OPA1: variants seen among roughly 807,000 people sequenced by gnomAD.
OPA1 encodes the protein dynamin-like GTPase OPA1, mitochondrial.
Under a neutral mutation model 152.9 loss-of-function variants are expected in OPA1, and 59 were observed. That is an observed-to-expected ratio of 0.39 (90% CI 0.31 to 0.48). OPA1 has a LOEUF of 0.48. OPA1 is among the 20% of genes least tolerant of loss of function. OPA1 has a pLI of 0.96. For synonymous variants in OPA1, 400 were observed against 389.9 expected (o/e 1.03, Z -0.31); for missense variants, 1,008 against 1,216.8 (o/e 0.83, Z 2.55).
At chr3:193,631,508 A>C in intron 7 of OPA1, 104 bp from the exon 8 acceptor site, 1 of 750,278 alleles carries the variant, frequency 1.3e-6, no homozygotes, top group Non-Finnish European at 2.3e-6. Context: ...TATGCATATA[A>C]AGTCAGTTGT....
intron 11 of OPA1, among the ~76,000 whole-genome samples, chr3:193,641,644 G>GA (rs1733804441): frequency 6.6e-6 from 1 of 152,162 alleles, no homozygotes; most frequent in East Asian, 1.9e-4. Context: ...TCCTCTGATG[G>GA]AAAATAGCTA....
At chr3:193,617,888 T>C (rs1729321949) in intron 5 of OPA1, 51 bp downstream of exon 5, 2 of 1,301,536 alleles carry the variant, frequency 1.5e-6, no homozygotes, top group South Asian at 2.4e-5. Context: ...TAAATGCTTC[T>C]AATAAACTAG....
intron 26 of OPA1, among the ~76,000 whole-genome samples, chr3:193,663,798 T>C (rs1715878933): frequency 6.6e-6 from 1 of 151,954 alleles, no homozygotes; most frequent in Non-Finnish European, 1.5e-5. Context: ...AAAATAAAAT[T>C]GGTAAAACTC....
intron 29 of OPA1, among the ~76,000 whole-genome samples, chr3:193,671,331 C>T (rs1717871006): frequency 1.3e-5 from 2 of 152,148 alleles, no homozygotes; most frequent in African/African-American, 4.8e-5. Flanking sequence ...AACTTAAATT[C>T]AGTCATAACA....
chr3:193,633,786 A>G (rs1732488102), intron 8 of OPA1, among the ~76,000 whole-genome samples: 2 of 152,240 alleles, frequency 1.3e-5, no homozygotes, highest in Non-Finnish European at 2.9e-5. Context: ...GGCCAGCCAC[A>G]TTTCAGGTGC....
intron 8 of OPA1, among the ~76,000 whole-genome samples, chr3:193,632,686 C>T (rs939356233): frequency 1.3e-5 from 2 of 151,854 alleles, no homozygotes; most frequent in African/African-American, 2.4e-5. Context: ...TTGGGCAACC[C>T]GGAGAAACCC....
intron 16 of OPA1, among the ~76,000 whole-genome samples, chr3:193,644,780 C>T (rs1432724648): frequency 1.3e-5 from 2 of 152,142 alleles, no homozygotes. Flanking sequence ...TCATTTCTTT[C>T]AACTCTAGGA....
chr3:193,643,033 G>T lies in OPA1; in HGVS notation c.1289G>T (p.Cys430Phe), dbSNP rs1560372367. The change falls in exon 13 of 31, where the codon TGT becomes TTT. Residue 430 changes from cysteine to phenylalanine, a missense_variant. Transcript: ENST00000361510. ...LRMRKNVKEG[C>F]TVSPETISLN... is the part of the protein sequence containing the mutation. ...ATGAGGAAAAATGTGAAAGAAGGCT[G>T]TACCGTTAGCCCTGAGGTAAGGGTT... is the stretch of plus-strand genomic sequence containing the variant. 1.2e-6 allele frequency: 2 copies of T among 1,612,926 alleles called. No individual in the cohort carries two copies. The highest frequency in any genetic ancestry group is 1.7e-6 in the Non-Finnish European group (2 of 1,179,088).
chr3:193,671,424 CAAGG>C (rs1015042215), intron 29 of OPA1, among the ~76,000 whole-genome samples: 3 of 152,058 alleles, frequency 2.0e-5, no homozygotes, highest in African/African-American at 7.2e-5. Flanking sequence ...TCATGAAAGA[CAAGG>C]AAAGAGTGAA....
At chr3:193,658,226 CAA>C (rs1422464201) in intron 23 of OPA1, among the ~76,000 whole-genome samples, 1 of 98,266 alleles carries the variant, frequency 1.0e-5, no homozygotes, top group African/African-American at 3.7e-5. Flanking sequence ...GCCAAGGCAA[CAA>C]GAGCAAAACT....
chr3:193,682,987 G>GA (rs1201195978), intron 29 of OPA1, among the ~76,000 whole-genome samples: 40 of 150,392 alleles, frequency 2.7e-4, no homozygotes, highest in Non-Finnish European at 4.9e-4. Context: ...GGATTTAGGA[G>GA]AAAAAAAAAG....
At chr3:193,656,808 A>T (rs1713947250) in intron 22 of OPA1, among the ~76,000 whole-genome samples, 1 of 152,162 alleles carries the variant, frequency 6.6e-6, no homozygotes, top group Non-Finnish European at 1.5e-5. Flanking sequence ...GAAATCTCTC[A>T]ATTTTTAAAT....
intron 5 of OPA1, 87 bp from the exon 6 acceptor site, chr3:193,618,782 C>G (rs1729493230): frequency 9.3e-7 from 1 of 1,079,914 alleles, no homozygotes; most frequent in South Asian, 1.3e-5. Context: ...ATCCATTCAC[C>G]TTTTCATTGA....
Position 193,626,138 on chromosome 3 carries a change from A to T in OPA1, c.725A>T (p.His242Leu). The T allele has an allele frequency of 6.2e-7, 1 of 1,614,140 alleles. No individual in the cohort carries two copies. The highest frequency in any genetic ancestry group is 8.5e-7 in the Non-Finnish European group (1 of 1,180,010). The change falls in exon 7 of 31, where the codon CAT becomes CTT. Residue 242 changes from histidine to leucine, a missense_variant. His to Leu is a moderately conservative substitution (Grantham distance 99, BLOSUM62 -3). Around this residue, in one of 7 missense-constraint regions of OPA1, gnomAD observed 408 missense variants for 395.1 expected, o/e 1.03. Coordinates refer to ENST00000361510, the MANE Select transcript of OPA1 (RefSeq NM_130837.3). ...LILLQQQIQE[H>L]EEEARRAAGQ... ...CTCTTACAACAACAAATTCAAGAGC[A>T]TGAAGAGGAAGCGCGCAGAGCCGCT...
intron 1 of OPA1, among the ~76,000 whole-genome samples, chr3:193,604,871 A>AAAAAAAAAG (rs1352840222): frequency 1.3e-5 from 2 of 151,578 alleles, no homozygotes; most frequent in African/African-American, 4.8e-5. Context: ...AAAAAAAAAA[A>AAAAAAAAAG]AAAAGAAAAA....
intron 29 of OPA1, among the ~76,000 whole-genome samples, chr3:193,669,166 A>G (rs929023955): frequency 6.6e-5 from 10 of 152,346 alleles, no homozygotes; most frequent in African/African-American, 1.9e-4. Flanking sequence ...TGAAGAAGCC[A>G]GGCAGGGCTC....
chr3:193,621,085 A>C (rs1023261926), intron 6 of OPA1, among the ~76,000 whole-genome samples: 1 of 152,264 alleles, frequency 6.6e-6, no homozygotes, highest in African/African-American at 2.4e-5. Context: ...TGAAGCAGTC[A>C]AGTATTAGTT....
intron 8 of OPA1, 73 bp downstream of exon 8, chr3:193,631,738 AT>A: frequency 7.4e-7 from 1 of 1,350,940 alleles, no homozygotes; most frequent in South Asian, 1.2e-5. Context: ...TGATATGGAC[AT>A]TTATTTTTTC....
At chr3:193,655,295 T>C (rs930779591) in intron 22 of OPA1, among the ~76,000 whole-genome samples, 3 of 152,230 alleles carry the variant, frequency 2.0e-5, no homozygotes, top group Non-Finnish European at 2.9e-5. Flanking sequence ...AAATTTTGCT[T>C]GAATATGAAA....
Sources: gnomAD v4.1 joint callset for allele counts (sites outside exome capture counted in the v4.1 genomes callset) on GRCh38, gnomAD v4.1.1 for gene constraint, gnomAD v4.1.1 regional missense constraint, MANE v1.5 for transcripts, NCBI Gene and HGNC (gene_info 2026-07-23, HGNC 2026-07-21) for gene names.